ABCD2: variants seen among roughly 807,000 people sequenced by gnomAD.
ABCD2 encodes ATP-binding cassette sub-family D member 2.
A neutral mutation model predicts 70.9 loss-of-function variants in ABCD2; 36 were observed. The observed-to-expected ratio is 0.51, with a 90% CI of 0.39 to 0.67. ABCD2 has a LOEUF of 0.67. Among genes scored for constraint, ABCD2 ranks in the 30% least tolerant of loss-of-function variants. The pLI, the probability that ABCD2 is intolerant of heterozygous loss-of-function variation, is 0.00. For synonymous variants in ABCD2, 304 were observed against 306.9 expected (o/e 0.99, Z 0.10); for missense variants, 729 against 890.2 (o/e 0.82, Z 2.30).
intron 8 of ABCD2, 152 bp downstream of exon 8, chr12:39,579,383 C>T: frequency 1.8e-6 from 1 of 546,362 alleles, no homozygotes; most frequent in Non-Finnish European, 3.2e-6. Flanking sequence ...AACAAAAAAA[C>T]CAACTGTGAA....
chr12:39,550,273 A>G lies in ABCD2; in HGVS notation c.*3639T>C, dbSNP rs919297980. ...AAACAGGGTATTTTGTAAAAATGGAATAATTTGTAATTCCTTTGATTAATC... is the reference window on the plus strand; with the variant it reads ...AAACAGGGTATTTTGTAAAAATGGAGTAATTTGTAATTCCTTTGATTAATC... On this transcript the variant is annotated 3_prime_UTR_variant, in exon 10 of 10. Transcript: ENST00000308666. 1.3e-5 allele frequency: 2 copies of G among 151,792 alleles called. No individual in the cohort carries two copies. Among genetic ancestry groups the G allele is most frequent in the Non-Finnish European group, 3.0e-5 (2 of 67,762 alleles). 9.4% of individuals were successfully genotyped at this position (151,792 alleles called of 1,614,324 possible).
At chr12:39,598,336 A>T (rs918455823) in intron 6 of ABCD2, among the ~76,000 whole-genome samples, 2 of 152,262 alleles carry the variant, frequency 1.3e-5, no homozygotes, top group African/African-American at 4.8e-5. Context: ...TTGAAATTTC[A>T]TTTTTTTGCT....
the ABCD2 span, among the ~76,000 whole-genome samples, chr12:39,542,461 C>CA: frequency 0.04 from 3,330 of 82,858 alleles, 91 homozygotes; most frequent in African/African-American, 0.12. Context: ...GACTCCATCT[C>CA]AAAAAAAAAA....
At position 39,596,132 on chromosome 12, in the gene ABCD2, A is replaced by G. The variant is rs568224842; in HGVS notation, c.1646+4439T>C. Among the ~76,000 whole-genome samples, 11 of 152,324 alleles carry G rather than the reference A, an allele frequency of 7.2e-5. No individual in the cohort carries two copies. The East Asian group carries it at 1.5e-3, about 21-fold the overall frequency. On this transcript the variant is annotated intron_variant, in intron 6 of 9. Coordinates refer to ENST00000308666, the MANE Select transcript of ABCD2 (RefSeq NM_005164.4). ...TGCTATCCAGAAGTGTCCAAAAAAC[A>G]AAAACTTCTGCTTACTTGAATCTGT... is the stretch of plus-strand genomic sequence containing the variant.
rs1941069184 is a variant in ABCD2, at chr12:39,550,252, AGG to A, written c.*3658_*3659del. 1 of 151,798 alleles carries A rather than the reference AGG, an allele frequency of 6.6e-6. No individual in the cohort carries two copies. Among genetic ancestry groups the A allele is most frequent in the African/African-American group, 2.4e-5 (1 of 41,420 alleles). 9.4% of individuals were successfully genotyped at this position (151,798 alleles called of 1,614,324 possible). A position where few individuals can be genotyped will look rare whatever the true frequency, so the allele number is the denominator to read the frequency against. ...ACATGGCCATTTGCAGTATAGAAAC[AGG>A]GTATTTTGTAAAAATGGAATAATTT... On this transcript the variant is annotated 3_prime_UTR_variant, in exon 10 of 10. Transcript: ENST00000308666.
intron 6 of ABCD2, among the ~76,000 whole-genome samples, chr12:39,596,379 C>G (rs1941814962): frequency 6.6e-6 from 1 of 151,910 alleles, no homozygotes; most frequent in Non-Finnish European, 1.5e-5. Context: ...ACATAAACAT[C>G]ATAAGATTAT....
At chr12:39,556,187 A>G (rs751324324) in intron 9 of ABCD2, among the ~76,000 whole-genome samples, 2 of 152,208 alleles carry the variant, frequency 1.3e-5, no homozygotes, top group Non-Finnish European at 2.9e-5. Context: ...AAATGGACAG[A>G]ATAAAGTGCC....
chr12:39,588,347 A>T (rs921299161), intron 6 of ABCD2, among the ~76,000 whole-genome samples: 12 of 152,144 alleles, frequency 7.9e-5, no homozygotes, highest in Non-Finnish European at 2.9e-5. Context: ...TGCAGATTTA[A>T]TTAAGGTTCT....
intron 6 of ABCD2, 98 bp from the exon 7 acceptor site, chr12:39,586,395 A>C: frequency 7.5e-6 from 9 of 1,200,338 alleles, no homozygotes; most frequent in Non-Finnish European, 1.0e-5. Flanking sequence ...GAAGACTTTA[A>C]ACACTACATT....
At position 39,566,373 on chromosome 12, in the gene ABCD2, G is replaced by A. The variant is rs142279568; in HGVS notation, c.2003+7343C>T. Among the ~76,000 whole-genome samples, 1,057 of 152,162 alleles carry A rather than the reference G, an allele frequency of 6.9e-3. 6 individuals are homozygous for A. Among genetic ancestry groups the A allele is most frequent in the South Asian group, 0.025 (119 of 4,808 alleles). On this transcript the variant is annotated intron_variant, in intron 9 of 9. Transcript: ENST00000308666. ...TTAGTCTTGGGAGGTTGTTTGTGTCGAGGAATTTATCCATTTCTTCTAGAT... is the reference window on the plus strand; with the variant it reads ...TTAGTCTTGGGAGGTTGTTTGTGTCAAGGAATTTATCCATTTCTTCTAGAT...
At chr12:39,550,017 A>T (rs1941065620), downstream of ABCD2, 1 of 151,778 alleles carries the variant, frequency 6.6e-6, no homozygotes, top group Non-Finnish European at 1.5e-5. Flanking sequence ...CCTAATTTTC[A>T]ATGGTCACAA....
At chr12:39,599,842 G>A (rs150837209) in intron 6 of ABCD2, among the ~76,000 whole-genome samples, 6 of 152,324 alleles carry the variant, frequency 3.9e-5, no homozygotes, top group Admixed American at 1.3e-4. Context: ...CATAGTAGGA[G>A]TGCTCTATGG....
At chr12:39,538,586 C>G in the ABCD2 span, among the ~76,000 whole-genome samples, 1 of 151,938 alleles carries the variant, frequency 6.6e-6, no homozygotes, top group Admixed American at 6.6e-5. Flanking sequence ...AACAAACCCA[C>G]ACTGATACTT....
At chr12:39,557,527 T>A (rs1941186775) in intron 9 of ABCD2, among the ~76,000 whole-genome samples, 1 of 152,172 alleles carries the variant, frequency 6.6e-6, no homozygotes, top group East Asian at 1.9e-4. Flanking sequence ...GAAATTTGCA[T>A]AAGTAATGAG....
chr12:39,564,162 C>A (rs1165135317), intron 9 of ABCD2, among the ~76,000 whole-genome samples: 1 of 152,148 alleles, frequency 6.6e-6, no homozygotes, highest in African/African-American at 2.4e-5. Flanking sequence ...ATGGCTGGGT[C>A]AAATGGTAGT....
intron 9 of ABCD2, among the ~76,000 whole-genome samples, chr12:39,569,014 G>T (rs1043017460): frequency 6.6e-6 from 1 of 152,168 alleles, no homozygotes; most frequent in Non-Finnish European, 1.5e-5. Context: ...GTACCCAGCT[G>T]TGTGTGGTGT....
Position 39,550,187 on chromosome 12 carries a change from A to G in ABCD2, c.*3725T>C, listed in dbSNP as rs1434715291. ...TATAGTTCTACACACGGTTATATAC[A>G]ATACAATGTCTAAGTAAGGCGTATA... On this transcript the variant is annotated 3_prime_UTR_variant, in exon 10 of 10. Transcript: ENST00000308666. 2 of 151,814 alleles carry G rather than the reference A, an allele frequency of 1.3e-5. No individual in the cohort carries two copies. The highest frequency in any genetic ancestry group is 2.4e-5 in the African/African-American group (1 of 41,420). 9.4% of individuals were successfully genotyped at this position (151,814 alleles called of 1,614,324 possible).
chr12:39,543,524 C>T, the ABCD2 span, among the ~76,000 whole-genome samples: 1 of 152,142 alleles, frequency 6.6e-6, no homozygotes. Context: ...TGTAGGAACA[C>T]CAGCAAATTT....
At chr12:39,547,596 A>C (rs1372170142), downstream of ABCD2, among the ~76,000 whole-genome samples, 1 of 152,130 alleles carries the variant, frequency 6.6e-6, no homozygotes, top group African/African-American at 2.4e-5. Context: ...CCACTTATAT[A>C]ATGTATCCAA....
Sources: gnomAD v4.1 joint callset for allele counts (sites outside exome capture counted in the v4.1 genomes callset) on GRCh38, gnomAD v4.1.1 for gene constraint, MANE v1.5 for transcripts, NCBI Gene and HGNC (gene_info 2026-07-23, HGNC 2026-07-21) for gene names.